The following NME9 variants were observed in gnomAD, a reference collection of about 807,000 sequenced individuals.
NME9 encodes NME/NM23 family member 9, also known as thioredoxin domain-containing protein 6.
In NME9, 48 loss-of-function variants were observed where a neutral mutation model predicts 44.4. The ratio of observed to expected loss-of-function variants is 1.08; its 90% confidence interval spans 0.86 to 1.37. The LOEUF (loss-of-function observed/expected upper bound fraction) is 1.37. Ranked by LOEUF, NME9 falls within the 40% of genes most tolerant of loss-of-function variation. NME9 has a pLI of 0.00. For missense variants in NME9, 325 were observed against 405.2 expected (o/e 0.80, Z 1.70); for synonymous variants, 139 against 147.1 (o/e 0.94, Z 0.40).
At chr3:138,298,374 T>C (rs1560076922), downstream of NME9, 1 of 152,230 alleles carries the variant, frequency 6.6e-6, no homozygotes, top group Non-Finnish European at 1.5e-5. Context: ...AGAAAAATCA[T>C]GGCAACTTCT....
At chr3:138,308,945 GAAA>G (rs1002890235) in intron 6 of NME9, among the ~76,000 whole-genome samples, 43 of 52,888 alleles carry the variant, frequency 8.1e-4, no homozygotes, top group African/African-American at 1.7e-3. Context: ...AATACTGAAA[GAAA>G]AAAAAAAAAA....
intron 8 of NME9, chr3:138,274,315 G>A: frequency 1.7e-6 from 1 of 604,448 alleles, no homozygotes. Flanking sequence ...ACTGTTCTTT[G>A]GCATCTAGTT....
chr3:138,279,422 T>A (rs1420278798), intron 8 of NME9, among the ~76,000 whole-genome samples: 1 of 152,222 alleles, frequency 6.6e-6, no homozygotes. Context: ...TATTATCCTT[T>A]AGATATATTG....
intron 7 of NME9, 37 bp downstream of exon 7, chr3:138,306,361 A>G: frequency 6.9e-7 from 1 of 1,455,654 alleles, no homozygotes; most frequent in Non-Finnish European, 9.7e-7. Flanking sequence ...AAGAGGACAC[A>G]AGGACAGTGG....
At chr3:138,269,820 C>CTT (rs77095833) in intron 8 of NME9, among the ~76,000 whole-genome samples, 2,283 of 121,504 alleles carry the variant, frequency 0.019, 56 homozygotes, top group South Asian at 0.043. Flanking sequence ...TGTTTTCTTT[C>CTT]TTTTTTTTTT....
Position 138,301,175 on chromosome 3 carries a change from A to G in NME9, c.*465T>C, listed in dbSNP as rs1416428228. The G allele has an allele frequency of 2.2e-6, 2 of 898,222 alleles. No individual in the cohort carries two copies. The highest frequency in any genetic ancestry group is 1.2e-4 in the East Asian group (1 of 8,440). The allele number at this position is 898,222 out of a possible 1,614,324, so 55.6% of individuals were successfully genotyped here. On this transcript the variant is annotated 3_prime_UTR_variant, in exon 11 of 11. Transcript: ENST00000333911. ...CTACATACTGTTTAATAAGGCAGAA[A>G]AGTATATACTATTCTCTTTCTTTAC...
intron 2 of NME9, chr3:138,324,461 G>A (rs2053651640): frequency 4.4e-6 from 2 of 459,476 alleles, no homozygotes; most frequent in South Asian, 3.1e-5. Context: ...GGATGAGGAG[G>A]CCCATAGACA....
intron 8 of NME9, chr3:138,289,007 T>C: frequency 6.5e-7 from 1 of 1,539,310 alleles, no homozygotes; most frequent in East Asian, 2.3e-5. Flanking sequence ...AAAATGAGAT[T>C]ACCACCATTT....
At chr3:138,305,908 A>G (rs2052219187) in intron 8 of NME9, 96 bp downstream of exon 8, 11 of 865,648 alleles carry the variant, frequency 1.3e-5, no homozygotes, top group Non-Finnish European at 1.9e-5. Flanking sequence ...GGTTCTTCAT[A>G]ATTTCTTCTG....
intron 8 of NME9, among the ~76,000 whole-genome samples, chr3:138,272,014 A>G (rs1164013952): frequency 1.3e-5 from 2 of 152,156 alleles, no homozygotes; most frequent in Non-Finnish European, 2.9e-5. Flanking sequence ...CTTGGAATTT[A>G]TCATGGTTTT....
At position 138,268,199 on chromosome 3, in the gene NME9, C is replaced by T. The variant is rs547953652; in HGVS notation, c.746-5613G>A. Among the ~76,000 whole-genome samples, 15 of 152,092 alleles carry T rather than the reference C, an allele frequency of 9.9e-5. No individual in the cohort carries two copies. In the South Asian group the frequency reaches 1.7e-3, roughly 17 times the overall value. On this transcript the variant is annotated intron_variant, in intron 8 of 8. Transcript: ENST00000317876. ...CAAAGGTTGCAGTGAGCTGAGATCG[C>T]GCCACTGCACTGCAGCCTGGGCAAA... is the stretch of plus-strand genomic sequence containing the variant.
chr3:138,314,206 A>C, intron 6 of NME9, 126 bp downstream of exon 6: 1 of 562,822 alleles, frequency 1.8e-6, no homozygotes, highest in Non-Finnish European at 3.2e-6. Flanking sequence ...AAAGAAAATT[A>C]TGAACCATTA....
At chr3:138,263,640 C>A (rs982923516) in intron 8 of NME9, 56 of 1,095,410 alleles carry the variant, frequency 5.1e-5, no homozygotes, top group Non-Finnish European at 7.3e-5. Flanking sequence ...CCAAAAACAA[C>A]GTTAAACTTT....
intron 8 of NME9, among the ~76,000 whole-genome samples, chr3:138,280,120 G>A (rs1453795487): frequency 6.6e-6 from 1 of 151,474 alleles, no homozygotes; most frequent in Non-Finnish European, 1.5e-5. Flanking sequence ...GCCAGGCTGG[G>A]CTCAAACTCC....
At chr3:138,268,639 T>C (rs929597813) in intron 8 of NME9, among the ~76,000 whole-genome samples, 1 of 152,060 alleles carries the variant, frequency 6.6e-6, no homozygotes, top group African/African-American at 2.4e-5. Context: ...CAACCAGGCA[T>C]GGCACACACA....
intron 8 of NME9, among the ~76,000 whole-genome samples, chr3:138,294,754 CTT>C (rs1430114024): frequency 5.3e-5 from 8 of 152,128 alleles, no homozygotes; most frequent in Non-Finnish European, 1.0e-4. Flanking sequence ...TCTTTAGAAA[CTT>C]TACCATGTTT....
At chr3:138,310,033 G>C (rs1056212335) in intron 6 of NME9, among the ~76,000 whole-genome samples, 3 of 150,814 alleles carry the variant, frequency 2.0e-5, no homozygotes, top group Non-Finnish European at 4.4e-5. Flanking sequence ...AAAAAGAAAA[G>C]AAACCAAGAC....
chr3:138,309,472 G>A (rs1209545959), intron 6 of NME9, among the ~76,000 whole-genome samples: 1 of 152,102 alleles, frequency 6.6e-6, no homozygotes, highest in Non-Finnish European at 1.5e-5. Context: ...ATCACTCGAG[G>A]CTAGGAGATC....
intron 9 of NME9, among the ~76,000 whole-genome samples, chr3:138,304,440 C>T (rs745369501): frequency 1.3e-5 from 2 of 152,314 alleles, no homozygotes; most frequent in African/African-American, 2.4e-5. Context: ...CTCAGACTCC[C>T]GAGGGCCTCA....
Sources: allele counts gnomAD v4.1 joint callset (sites outside exome capture counted in the v4.1 genomes callset), GRCh38; gene constraint gnomAD v4.1.1; transcripts MANE v1.5; gene names NCBI Gene and HGNC (gene_info 2026-07-23, HGNC 2026-07-21).